The following CCNY variants were observed in gnomAD, a reference collection of about 807,000 sequenced individuals.
CCNY encodes cyclin Y, also known as cyclin-Y.
Under a neutral mutation model 42.8 loss-of-function variants are expected in CCNY, and 19 were observed. That is an observed-to-expected ratio of 0.44 (90% confidence interval 0.31 to 0.65). CCNY has a LOEUF of 0.65. CCNY is among the 30% of genes least tolerant of loss of function. CCNY has a pLI of 0.07. For missense variants in CCNY, 370 were observed against 437.3 expected (o/e 0.85, Z 1.37); for synonymous variants, 165 against 162.7 (o/e 1.01, Z -0.11).
intron 1 of CCNY, among the ~76,000 whole-genome samples, chr10:35,381,457 G>A (rs995184226): frequency 6.6e-6 from 1 of 152,030 alleles, no homozygotes; most frequent in African/African-American, 2.4e-5. Flanking sequence ...GCTACTGGAG[G>A]GGGTGGGCTG....
chr10:35,456,677 A>G (rs939647306), intron 1 of CCNY, among the ~76,000 whole-genome samples: 6 of 152,222 alleles, frequency 3.9e-5, no homozygotes, highest in African/African-American at 1.2e-4. Context: ...CTCAGAGGCT[A>G]TGATATTGCC....
chr10:35,484,040 G>A (rs1245183099), intron 2 of CCNY, among the ~76,000 whole-genome samples: 1 of 152,012 alleles, frequency 6.6e-6, no homozygotes, highest in Non-Finnish European at 1.5e-5. Context: ...ATTTCTTCTA[G>A]GAGTTTTCTC....
At chr10:35,372,708 A>G (rs192194857) in intron 1 of CCNY, among the ~76,000 whole-genome samples, 13 of 152,062 alleles carry the variant, frequency 8.5e-5, no homozygotes, top group East Asian at 5.8e-4. Context: ...ACAGTTGTTT[A>G]TTTATTTTGA....
At chr10:35,553,207 G>A (rs776038975) in intron 8 of CCNY, 22 bp downstream of exon 8, 1 of 1,611,216 alleles carries the variant, frequency 6.2e-7, no homozygotes, top group Non-Finnish European at 8.5e-7. Flanking sequence ...GGCAGAGGGT[G>A]TTGGTCATCA....
chr10:35,312,382 C>CA (rs35909291), intron 3 of CCNY, among the ~76,000 whole-genome samples: 3,126 of 61,420 alleles, frequency 0.051, 185 homozygotes, highest in East Asian at 0.084. Context: ...CTCTGTGTCA[C>CA]AAAAAAAAAA....
intron 1 of CCNY, among the ~76,000 whole-genome samples, chr10:35,391,840 C>G (rs558597570): frequency 1.3e-5 from 2 of 152,122 alleles, no homozygotes; most frequent in East Asian, 3.9e-4. Flanking sequence ...TCCTACTCCC[C>G]GCTCTGCTAC....
chr10:35,525,728 A>G (rs111526461), intron 4 of CCNY, among the ~76,000 whole-genome samples: 1,574 of 152,162 alleles, frequency 0.01, 23 homozygotes, highest in African/African-American at 0.036. Flanking sequence ...TCTAAATATC[A>G]CTTGAAGTTC....
chr10:35,316,877 G>A (rs11010170), intron 3 of CCNY, among the ~76,000 whole-genome samples: 43,669 of 151,976 alleles, frequency 0.29, 6,548 homozygotes, highest in Admixed American at 0.35. Flanking sequence ...ACCAAGTCTC[G>A]CTCTGTTGCC....
intron 1 of CCNY, among the ~76,000 whole-genome samples, chr10:35,359,852 C>A (rs1836644343): frequency 6.6e-6 from 1 of 152,232 alleles, no homozygotes; most frequent in Non-Finnish European, 1.5e-5. Flanking sequence ...ATAAGTGGAT[C>A]CATACAATAT....
In CCNY at chr10:35,289,132, G is replaced by A. The variant is rs115691750; in HGVS notation, c.-9+38506G>A. Among the ~76,000 whole-genome samples the A allele has an allele frequency of 6.8e-3, 1,031 of 152,026 alleles. 11 individuals carry two copies. Among genetic ancestry groups the A allele is most frequent in the African/African-American group, 0.024 (985 of 41,514 alleles). On this transcript the variant is annotated intron_variant, in intron 3 of 11. Coordinates refer to the CCNY transcript ENST00000374706. ...GTGTAAAGATCTTGCACATACATTT[G>A]AATTGGTTAAAAATTTTATTTTGTA...
chr10:35,547,603 G>A (rs1841143437), intron 7 of CCNY, among the ~76,000 whole-genome samples: 1 of 152,104 alleles, frequency 6.6e-6, no homozygotes, highest in Admixed American at 6.5e-5. Flanking sequence ...CATTATTTGT[G>A]GTCGTTTTAC....
intron 3 of CCNY, among the ~76,000 whole-genome samples, chr10:35,310,666 T>C (rs1482923252): frequency 6.6e-6 from 1 of 152,246 alleles, no homozygotes; most frequent in East Asian, 1.9e-4. Context: ...GCTGAGCATT[T>C]TTCATACAAC....
intron 3 of CCNY, among the ~76,000 whole-genome samples, chr10:35,252,145 T>C (rs1035503177): frequency 2.0e-5 from 3 of 152,222 alleles, no homozygotes; most frequent in African/African-American, 7.2e-5. Context: ...AGGGCATTTA[T>C]AGAATTTTAT....
chr10:35,434,509 C>T (rs776890401), intron 1 of CCNY, among the ~76,000 whole-genome samples: 1 of 152,164 alleles, frequency 6.6e-6, no homozygotes, highest in African/African-American at 2.4e-5. Context: ...CATTATTTGA[C>T]AAATGGTATT....
chr10:35,248,943 CTA>C (rs1238192268), intron 2 of CCNY, among the ~76,000 whole-genome samples: 1 of 152,140 alleles, frequency 6.6e-6, no homozygotes, highest in East Asian at 1.9e-4. Flanking sequence ...TTTAGTGACA[CTA>C]GGTTTGTTTT....
At chr10:35,567,264 G>A (rs1841591322) in intron 9 of CCNY, among the ~76,000 whole-genome samples, 1 of 152,168 alleles carries the variant, frequency 6.6e-6, no homozygotes, top group African/African-American at 2.4e-5. Flanking sequence ...ACTGGTCTTG[G>A]TCTGGGTTTT....
chr10:35,506,563 C>T (rs886132528), intron 3 of CCNY, among the ~76,000 whole-genome samples: 4 of 152,172 alleles, frequency 2.6e-5, no homozygotes, highest in African/African-American at 9.7e-5. Flanking sequence ...TTCTTCACCC[C>T]TTCTTCCCTT....
intron 8 of CCNY, among the ~76,000 whole-genome samples, chr10:35,556,958 C>T (rs1176916345): frequency 6.6e-6 from 1 of 151,950 alleles, no homozygotes; most frequent in Non-Finnish European, 1.5e-5. Context: ...AATTCTCCTG[C>T]CTCAGCCTCC....
At chr10:35,565,111 A>G (rs575524087) in intron 8 of CCNY, among the ~76,000 whole-genome samples, 18 of 152,336 alleles carry the variant, frequency 1.2e-4, no homozygotes, top group Admixed American at 6.5e-4. Context: ...CAGAGGAACT[A>G]TCTAGAAATA....
Sources: gnomAD v4.1 joint callset for allele counts (sites outside exome capture counted in the v4.1 genomes callset) on GRCh38, gnomAD v4.1.1 for gene constraint, MANE v1.5 for transcripts, NCBI Gene and HGNC (gene_info 2026-07-23, HGNC 2026-07-21) for gene names.